The following KIRREL1 variants were observed in gnomAD, a reference collection of about 807,000 sequenced individuals.
KIRREL1 encodes kin of IRRE-like protein 1.
KIRREL1 carries 25 observed loss-of-function variants against 83.3 expected under a neutral mutation model. The observed-to-expected ratio is 0.30, with a 90% confidence interval of 0.22 to 0.42. KIRREL1 has a LOEUF of 0.42. Among genes scored for constraint, KIRREL1 ranks in the 10% least tolerant of loss-of-function variants. KIRREL1 has a pLI of 1.00. For missense variants in KIRREL1, 812 were observed against 1,032.3 expected (o/e 0.79, Z 2.92); for synonymous variants, 388 against 410.4 (o/e 0.95, Z 0.66).
At chr1:158,024,863 A>C (rs933069929) in intron 1 of KIRREL1, among the ~76,000 whole-genome samples, 8 of 152,150 alleles carry the variant, frequency 5.3e-5, no homozygotes, top group Admixed American at 2.0e-4. Context: ...GAAAAACCAA[A>C]TTAAGTAACT....
intron 3 of KIRREL1, among the ~76,000 whole-genome samples, chr1:158,082,696 G>T (rs1410781118): frequency 6.6e-6 from 1 of 152,170 alleles, no homozygotes; most frequent in Non-Finnish European, 1.5e-5. Flanking sequence ...GGTGGAGCAC[G>T]CTGGCTCATG....
chr1:158,075,293 C>T (rs1336795238), intron 1 of KIRREL1, among the ~76,000 whole-genome samples: 1 of 152,238 alleles, frequency 6.6e-6, no homozygotes, highest in Non-Finnish European at 1.5e-5. Context: ...AGCTGCCAGC[C>T]GGGCAGCCAT....
rs112039398 is a variant in KIRREL1, at chr1:158,028,245, G to C, written c.52+34517G>C. Reference sequence around the variant, plus strand: ...GACTTTATTAGCCTTGTCTGCCTGCGCAGGGGCTGTTGGGCACCTGGGTCC... The same window carrying C: ...GACTTTATTAGCCTTGTCTGCCTGCCCAGGGGCTGTTGGGCACCTGGGTCC... On this transcript the variant is annotated intron_variant, in intron 1 of 14. Coordinates refer to ENST00000359209, the MANE Select transcript of KIRREL1 (RefSeq NM_018240.7). 5.8e-3 allele frequency among the ~76,000 whole-genome samples: 885 copies of C among 152,302 alleles called. 2 individuals carry two copies. The highest frequency in any genetic ancestry group is 0.013 in the African/African-American group (530 of 41,560).
Position 158,089,560 on chromosome 1 carries a change from C to A in KIRREL1, c.1103C>A (p.Thr368Asn). ...TCGGTGACTCAGGCAGACGCTGGCA[C>A]CTACACCTGCCGGGCCATCGTGCCT... ...LKSVTQADAGTYTCRAIVPRI... is the reference protein window; with the variant it reads ...LKSVTQADAGNYTCRAIVPRI... The change falls in exon 9 of 15, where the codon ACC becomes AAC. Residue 368 changes from threonine (T) to asparagine (N), a missense_variant. Thr to Asn is a moderately conservative substitution (Grantham distance 65). This residue lies in a region of KIRREL1 where 472 missense variants were observed against 626.8 expected (regional missense o/e 0.75). Coordinates refer to ENST00000359209, the MANE Select transcript of KIRREL1 (RefSeq NM_018240.7). 2.5e-6 allele frequency: 4 copies of A among 1,614,178 alleles called. No homozygotes were observed. The highest frequency in any genetic ancestry group is 1.6e-4 in the Middle Eastern group (1 of 6,062).
chr1:158,032,103 AC>A (rs869084365), intron 1 of KIRREL1, among the ~76,000 whole-genome samples: 8 of 151,554 alleles, frequency 5.3e-5, no homozygotes, highest in East Asian at 1.9e-4. Flanking sequence ...GAAAAGAAAA[AC>A]AAACAAACAA....
chr1:158,085,761 C>A (rs2101635970), intron 4 of KIRREL1, among the ~76,000 whole-genome samples: 1 of 152,246 alleles, frequency 6.6e-6, no homozygotes, highest in East Asian at 1.9e-4. Flanking sequence ...ATATAGAAAA[C>A]AGATCAAGGG....
chr1:158,095,065 C>T lies in KIRREL1; in HGVS notation c.2219C>T (p.Ser740Phe). 1 of 1,612,496 alleles carries T rather than the reference C, an allele frequency of 6.2e-7. No individual in the cohort carries two copies. The highest frequency in any genetic ancestry group is 8.5e-7 in the Non-Finnish European group (1 of 1,178,892). ...YATATRFSYTSQHSDYGQRFQ... is the reference protein window; with the variant it reads ...YATATRFSYTFQHSDYGQRFQ... Reference sequence around the variant, plus strand: ...ACAGCCACTCGATTCTCCTACACCTCCCAGCACTCGGACTACGGCCAGCGA... The same window carrying T: ...ACAGCCACTCGATTCTCCTACACCTTCCAGCACTCGGACTACGGCCAGCGA... Residue 740 changes from serine (S) to phenylalanine (F), a missense_variant, in exon 15 of 15, where the codon TCC becomes TTC. Physicochemically the swap from Ser to Phe is radical, Grantham distance 155. Transcript: ENST00000359209.
intron 1 of KIRREL1, among the ~76,000 whole-genome samples, chr1:158,038,890 G>A (rs991490685): frequency 3.3e-5 from 5 of 152,206 alleles, no homozygotes; most frequent in Admixed American, 3.3e-4. Context: ...AGGGCTAAAC[G>A]AGGATGAATG....
At chr1:158,091,089 A>C (rs555479475) in intron 10 of KIRREL1, among the ~76,000 whole-genome samples, 1 of 152,344 alleles carries the variant, frequency 6.6e-6, no homozygotes, top group East Asian at 1.9e-4. Flanking sequence ...ATAAGTCCCA[A>C]ATATCTACAT....
chr1:158,002,276 TC>T (rs928180024), intron 1 of KIRREL1, among the ~76,000 whole-genome samples: 2 of 151,768 alleles, frequency 1.3e-5, no homozygotes, highest in Admixed American at 6.6e-5. Context: ...TTGTTACCTG[TC>T]CCCCCCAAGC....
chr1:158,003,130 C>G (rs746143243), intron 1 of KIRREL1, among the ~76,000 whole-genome samples: 1 of 152,074 alleles, frequency 6.6e-6, no homozygotes, highest in Non-Finnish European at 1.5e-5. Context: ...AGGAACAGCC[C>G]GGGGCCTTGC....
chr1:158,092,167 T>G (rs959524860), intron 11 of KIRREL1, among the ~76,000 whole-genome samples: 4 of 152,216 alleles, frequency 2.6e-5, no homozygotes, highest in African/African-American at 9.7e-5. Flanking sequence ...AAGTGTTCTC[T>G]CCTTTAAGGC....
intron 3 of KIRREL1, among the ~76,000 whole-genome samples, chr1:158,079,134 C>T (rs950617284): frequency 6.6e-6 from 1 of 152,202 alleles, no homozygotes; most frequent in African/African-American, 2.4e-5. Context: ...TCCCTATTTA[C>T]ATTGACTCTG....
In KIRREL1 at chr1:158,089,547, G is replaced by T; in HGVS notation, c.1090G>T (p.Ala364Ser). ...NQLLLKSVTQ[A>S]DAGTYTCRAI... ...GCTGCTGCTGAAGTCGGTGACTCAG[G>T]CAGACGCTGGCACCTACACCTGCCG... Residue 364 changes from alanine (A) to serine (S), a missense_variant, in exon 9 of 15, where the codon GCA becomes TCA. Ala to Ser is a moderately conservative substitution (Grantham distance 99). Coordinates refer to ENST00000359209, the MANE Select transcript of KIRREL1 (RefSeq NM_018240.7). 1 of 1,614,208 alleles carries T rather than the reference G, an allele frequency of 6.2e-7. No homozygotes were observed. Among genetic ancestry groups the T allele is most frequent in the South Asian group, 1.1e-5 (1 of 91,088 alleles).
At chr1:158,083,043 T>G (rs979811205) in intron 3 of KIRREL1, among the ~76,000 whole-genome samples, 1 of 152,270 alleles carries the variant, frequency 6.6e-6, no homozygotes, top group East Asian at 1.9e-4. Flanking sequence ...GGCTAGACAT[T>G]GAAGTGTTGA....
Position 158,093,459 on chromosome 1 carries a change from C to A in KIRREL1, c.1579+13C>A. Reference sequence around the variant, plus strand: ...CGCCGCAAAGGCAGTGAGTATGGGCCCTGTGCAGCCCACAGCCTTCCCCTG... The same window carrying A: ...CGCCGCAAAGGCAGTGAGTATGGGCACTGTGCAGCCCACAGCCTTCCCCTG... On this transcript the variant is annotated intron_variant, in intron 12 of 14. Transcript: ENST00000359209. 1 of 1,611,086 alleles carries A rather than the reference C, an allele frequency of 6.2e-7. No homozygotes were observed. The highest frequency in any genetic ancestry group is 8.5e-7 in the Non-Finnish European group (1 of 1,177,272).
intron 3 of KIRREL1, among the ~76,000 whole-genome samples, chr1:158,082,150 A>C (rs1309288946): frequency 6.6e-6 from 1 of 152,194 alleles, no homozygotes; most frequent in East Asian, 1.9e-4. Context: ...AGGGATTCAG[A>C]GGATAATTAG....
Position 158,097,160 on chromosome 1 carries a change from C to G in KIRREL1, c.*2040C>G. On this transcript the variant is annotated 3_prime_UTR_variant, in exon 15 of 15. Transcript: ENST00000359209. ...TCCATCCCTGGAAGCTGATACCTTT[C>G]TATAGAGTCCTTTTATGAGAGCTCA... is the stretch of plus-strand genomic sequence containing the variant. 1 of 434,142 alleles carries G rather than the reference C, an allele frequency of 2.3e-6. No homozygotes were observed. Among genetic ancestry groups the G allele is most frequent in the East Asian group, 7.0e-5 (1 of 14,238 alleles). The allele number at this position is 434,142 out of a possible 1,614,324, so 26.9% of individuals were successfully genotyped here.
chr1:158,062,431 G>A (rs1328756096), intron 1 of KIRREL1, among the ~76,000 whole-genome samples: 2 of 152,246 alleles, frequency 1.3e-5, no homozygotes, highest in Non-Finnish European at 2.9e-5. Context: ...AGAATGAACC[G>A]AGTTAGATGG....
Sources: allele counts gnomAD v4.1 joint callset (sites outside exome capture counted in the v4.1 genomes callset), GRCh38; gene constraint gnomAD v4.1.1; regional missense constraint gnomAD v4.1.1; transcripts MANE v1.5; gene names NCBI Gene and HGNC (gene_info 2026-07-23, HGNC 2026-07-21).